Variants in AFAP1 observed in about 807,000 individuals in gnomAD.
AFAP1 encodes actin filament-associated protein 1.
A neutral mutation model predicts 93.9 loss-of-function variants in AFAP1; 75 were observed. The observed-to-expected ratio is 0.80, with a 90% CI of 0.66 to 0.97. The LOEUF is 0.97. AFAP1 is among the 50% of genes least tolerant of loss of function. The probability of loss-of-function intolerance (pLI) is 0.00; values close to 1 mark genes in which losing one functional copy is unlikely to be tolerated. For synonymous variants in AFAP1, 517 were observed against 430.7 expected (o/e 1.20, Z -2.48); for missense variants, 1,201 against 1,050.8 (o/e 1.14, Z -1.98).
intron 3 of AFAP1, among the ~76,000 whole-genome samples, chr4:7,860,078 G>C (rs927447249): frequency 1.3e-5 from 2 of 152,164 alleles, no homozygotes; most frequent in Admixed American, 6.5e-5. Context: ...GGGAAGTCGA[G>C]GCTGCAGTGA....
At chr4:7,779,026 A>G (rs1716465141) in intron 13 of AFAP1, 150 bp from the exon 14 acceptor site, 3 of 634,184 alleles carry the variant, frequency 4.7e-6, no homozygotes, top group African/African-American at 3.7e-5. Flanking sequence ...AAGAAAACCA[A>G]GATGGTTTCC....
In AFAP1 at chr4:7,761,178, C is replaced by T. The variant is rs1479257754; in HGVS notation, c.*2587G>A. On this transcript the variant is annotated 3_prime_UTR_variant, in exon 18 of 18. Coordinates refer to ENST00000420658, the MANE Select transcript of AFAP1 (RefSeq NM_001134647.2). ...AAACTATATTTATTGAACATATACACATAAATAACTTATTCTGAAGTAAAT... is the reference window on the plus strand; with the variant it reads ...AAACTATATTTATTGAACATATACATATAAATAACTTATTCTGAAGTAAAT... 1 of 152,224 alleles carries T rather than the reference C, an allele frequency of 6.6e-6. No homozygotes were observed. Among genetic ancestry groups the T allele is most frequent in the Non-Finnish European group, 1.5e-5 (1 of 68,046 alleles). The allele number at this position is 152,224 out of a possible 1,614,324, so 9.4% of individuals were successfully genotyped here. A position where few individuals can be genotyped will look rare whatever the true frequency, so the allele number is the denominator to read the frequency against.
At chr4:7,814,270 C>A (rs1720284955) in intron 8 of AFAP1, among the ~76,000 whole-genome samples, 1 of 152,096 alleles carries the variant, frequency 6.6e-6, no homozygotes, top group Non-Finnish European at 1.5e-5. Flanking sequence ...TAAAAATGTT[C>A]AACATTGTTA....
intron 1 of AFAP1, among the ~76,000 whole-genome samples, chr4:7,935,404 A>G (rs1284282201): frequency 6.6e-6 from 1 of 152,226 alleles, no homozygotes; most frequent in Non-Finnish European, 1.5e-5. Flanking sequence ...CATTTTATTC[A>G]TACTTATATC....
chr4:7,791,572 C>T (rs1267910726), intron 11 of AFAP1, among the ~76,000 whole-genome samples: 16 of 151,950 alleles, frequency 1.1e-4, no homozygotes, highest in Admixed American at 6.6e-4. Context: ...AAAGTAGCAT[C>T]GCGGGTCATG....
At position 7,759,498 on chromosome 4, in the gene AFAP1, T is replaced by C. The variant is rs1713480146; in HGVS notation, c.*4267A>G. 1 of 152,678 alleles carries C rather than the reference T, an allele frequency of 6.5e-6. No homozygotes were observed. Among genetic ancestry groups the C allele is most frequent in the Non-Finnish European group, 1.5e-5 (1 of 68,036 alleles). The allele number at this position is 152,678 out of a possible 1,614,324, so 9.5% of individuals were successfully genotyped here. On this transcript the variant is annotated 3_prime_UTR_variant, in exon 18 of 18. Transcript: ENST00000420658. ...CCACGTATTTACGGCAGGAACGTTT[T>C]GGTTTCATTTTAGTTTATTTCACAG...
intron 6 of AFAP1, among the ~76,000 whole-genome samples, chr4:7,820,625 C>T (rs1459452904): frequency 1.3e-5 from 2 of 152,022 alleles, no homozygotes; most frequent in Non-Finnish European, 2.9e-5. Flanking sequence ...GAGAGACAGC[C>T]GTGACTCCCT....
At chr4:7,855,342 A>C (rs1430877300) in intron 4 of AFAP1, 124 bp downstream of exon 4, 1 of 729,296 alleles carries the variant, frequency 1.4e-6, no homozygotes. Context: ...TTTGGGTTCA[A>C]AAAGTACTTG....
intron 4 of AFAP1, among the ~76,000 whole-genome samples, chr4:7,848,930 G>A (rs539936011): frequency 2.6e-5 from 4 of 152,244 alleles, no homozygotes; most frequent in South Asian, 2.1e-4. Context: ...TAAAAGCAAC[G>A]GCAATACCAC....
At chr4:7,882,168 T>A (rs1338272106) in intron 1 of AFAP1, among the ~76,000 whole-genome samples, 1 of 152,184 alleles carries the variant, frequency 6.6e-6, no homozygotes, top group Non-Finnish European at 1.5e-5. Flanking sequence ...CACACTCCTC[T>A]GTGCAACTCT....
At chr4:7,789,967 C>T (rs1211600447) in intron 11 of AFAP1, among the ~76,000 whole-genome samples, 1 of 152,190 alleles carries the variant, frequency 6.6e-6, no homozygotes, top group Admixed American at 6.5e-5. Flanking sequence ...TATTAAAGTT[C>T]CTAAGTATCC....
intron 1 of AFAP1, among the ~76,000 whole-genome samples, chr4:7,879,892 T>C (rs1577329749): frequency 2.0e-5 from 3 of 152,096 alleles, no homozygotes; most frequent in Admixed American, 6.6e-5. Context: ...CTTGAACTCC[T>C]GGGCTAAATT....
chr4:7,765,890 C>T (rs961932300), intron 17 of AFAP1, among the ~76,000 whole-genome samples: 5 of 152,136 alleles, frequency 3.3e-5, no homozygotes, highest in African/African-American at 9.7e-5. Flanking sequence ...CTGTGAAAGC[C>T]CCGACCACAG....
intron 4 of AFAP1, among the ~76,000 whole-genome samples, chr4:7,846,001 C>T (rs1283226108): frequency 1.3e-5 from 2 of 152,158 alleles, no homozygotes; most frequent in Non-Finnish European, 2.9e-5. Flanking sequence ...CACTTTAGAG[C>T]CAGGCCTTGA....
chr4:7,824,333 T>C (rs888431125), intron 6 of AFAP1, among the ~76,000 whole-genome samples: 2 of 152,158 alleles, frequency 1.3e-5, no homozygotes, highest in Non-Finnish European at 2.9e-5. Flanking sequence ...TGCACATTTT[T>C]TAAGGAAATC....
At chr4:7,884,133 T>C (rs1718011319) in intron 1 of AFAP1, among the ~76,000 whole-genome samples, 2 of 152,154 alleles carry the variant, frequency 1.3e-5, no homozygotes, top group African/African-American at 2.4e-5. Flanking sequence ...CTCTTGCTCC[T>C]GCTCTGTCAT....
At chr4:7,928,265 TCAA>T (rs1460130989) in intron 1 of AFAP1, among the ~76,000 whole-genome samples, 3 of 152,192 alleles carry the variant, frequency 2.0e-5, no homozygotes, top group East Asian at 1.9e-4. Context: ...TTTCACTTAC[TCAA>T]CAACAACAAA....
chr4:7,864,803 T>C (rs2149167350), intron 3 of AFAP1, among the ~76,000 whole-genome samples: 1 of 152,304 alleles, frequency 6.6e-6, no homozygotes, highest in Middle Eastern at 3.4e-3. Flanking sequence ...TCTGAGATGC[T>C]TTAGAAAGGT....
chr4:7,900,130 T>C (rs1227626834), intron 1 of AFAP1, among the ~76,000 whole-genome samples: 1 of 152,210 alleles, frequency 6.6e-6, no homozygotes, highest in African/African-American at 2.4e-5. Flanking sequence ...AATCCTGACT[T>C]ATTAGAGCCT....
Sources: allele counts gnomAD v4.1 joint callset (sites outside exome capture counted in the v4.1 genomes callset), GRCh38; gene constraint gnomAD v4.1.1; transcripts MANE v1.5; gene names NCBI Gene and HGNC (gene_info 2026-07-23, HGNC 2026-07-21).